The following CSMD1 variants were observed in gnomAD, a reference collection of about 807,000 sequenced individuals.
CSMD1 encodes the protein CUB and sushi domain-containing protein 1.
In CSMD1, 213 loss-of-function variants were observed where a neutral mutation model predicts 417.5. The observed-to-expected ratio is 0.51, with a 90% CI of 0.46 to 0.57. The LOEUF (loss-of-function observed/expected upper bound fraction) is 0.57. CSMD1 is among the 20% of genes least tolerant of loss of function. The pLI, the probability that CSMD1 is intolerant of heterozygous loss-of-function variation, is 0.00. For missense variants in CSMD1, 6,923 were observed against 4,529.7 expected (o/e 1.53, Z -15.17); for synonymous variants, 2,862 against 1,736.8 (o/e 1.65, Z -16.11).
chr8:4,149,339 A>G (rs2131047582), intron 3 of CSMD1, among the ~76,000 whole-genome samples: 1 of 152,324 alleles, frequency 6.6e-6, no homozygotes, highest in East Asian at 1.9e-4. Context: ...ACATCACTCC[A>G]GTTTGCATTT....
chr8:3,372,391 C>A (rs6990513), intron 18 of CSMD1, among the ~76,000 whole-genome samples: 3 of 151,826 alleles, frequency 2.0e-5, no homozygotes, highest in African/African-American at 7.3e-5. Context: ...GCCTAGAAAA[C>A]GACACGATCT....
intron 1 of CSMD1, among the ~76,000 whole-genome samples, chr8:4,946,220 A>G (rs1808360287): frequency 6.6e-6 from 1 of 152,192 alleles, no homozygotes; most frequent in Non-Finnish European, 1.5e-5. Flanking sequence ...TATGGATCTA[A>G]ATCCCTGTCT....
chr8:4,091,203 A>C (rs908154343), intron 3 of CSMD1, among the ~76,000 whole-genome samples: 4 of 152,032 alleles, frequency 2.6e-5, no homozygotes, highest in Non-Finnish European at 5.9e-5. Flanking sequence ...ACGGGCTTGA[A>C]CCACCACGCC....
At chr8:3,655,872 G>A (rs1486508516) in intron 7 of CSMD1, among the ~76,000 whole-genome samples, 5 of 152,090 alleles carry the variant, frequency 3.3e-5, no homozygotes. Context: ...CTTCATCTTT[G>A]GAAAGAATAG....
chr8:4,743,082 G>A (rs970623725), intron 1 of CSMD1, among the ~76,000 whole-genome samples: 6 of 152,018 alleles, frequency 3.9e-5, no homozygotes, highest in African/African-American at 1.5e-4. Context: ...ATTAAAATTG[G>A]CTCTGCTAAG....
chr8:3,798,596 A>C (rs1399311307), intron 5 of CSMD1, among the ~76,000 whole-genome samples: 1 of 152,120 alleles, frequency 6.6e-6, no homozygotes, highest in Non-Finnish European at 1.5e-5. Context: ...ATTATAAATA[A>C]AATATTAACT....
At chr8:3,570,927 G>T (rs999161815) in intron 10 of CSMD1, among the ~76,000 whole-genome samples, 1 of 152,144 alleles carries the variant, frequency 6.6e-6, no homozygotes, top group Admixed American at 6.5e-5. Context: ...ATTCTAGTAT[G>T]TGTAGGAAAA....
intron 23 of CSMD1, among the ~76,000 whole-genome samples, chr8:3,318,274 T>C (rs1411999060): frequency 6.6e-6 from 1 of 152,144 alleles, no homozygotes; most frequent in African/African-American, 2.4e-5. Flanking sequence ...GGTGTTAAAA[T>C]GAAAAAAGTA....
At position 4,293,189 on chromosome 8, in the gene CSMD1, C is replaced by T. The variant is rs1041756001; in HGVS notation, c.415+126764G>A. Among the ~76,000 whole-genome samples the T allele has an allele frequency of 4.6e-5, 7 of 152,236 alleles. No individual in the cohort carries two copies. The East Asian group carries it at 9.7e-4, about 21-fold the overall frequency. ...CTCTGAGGACTGAACCTCCCTGGCA[C>T]AGAGAGAGGAAGAGAGCCCAATGAT... On this transcript the variant is annotated intron_variant, in intron 3 of 69. Coordinates refer to ENST00000635120, the MANE Select transcript of CSMD1 (RefSeq NM_033225.6).
chr8:4,907,525 T>A (rs111590522), intron 1 of CSMD1, among the ~76,000 whole-genome samples: 19 of 76,222 alleles, frequency 2.5e-4, no homozygotes, highest in South Asian at 9.3e-4. Context: ...GGAAAAAAAA[T>A]TTAAATTATT....
At chr8:4,884,688 G>A (rs970641631) in intron 1 of CSMD1, among the ~76,000 whole-genome samples, 1 of 151,980 alleles carries the variant, frequency 6.6e-6, no homozygotes, top group Non-Finnish European at 1.5e-5. Flanking sequence ...AGAAAAATAA[G>A]GGTTTATTTT....
intron 3 of CSMD1, among the ~76,000 whole-genome samples, chr8:4,222,977 A>C (rs1801129898): frequency 6.6e-6 from 1 of 152,208 alleles, no homozygotes. Flanking sequence ...GGCTTTGAGA[A>C]GCTGAAGTTA....
chr8:3,350,011 A>AATAACCT (rs1489059708), intron 21 of CSMD1, among the ~76,000 whole-genome samples: 1 of 145,914 alleles, frequency 6.9e-6, no homozygotes, highest in Non-Finnish European at 1.5e-5. Context: ...TAATACCTAT[A>AATAACCT]ATAACTTGTG....
chr8:3,525,248 C>A (rs17066319), intron 10 of CSMD1, among the ~76,000 whole-genome samples: 1 of 151,874 alleles, frequency 6.6e-6, no homozygotes, highest in Non-Finnish European at 1.5e-5. Context: ...ATCCCTGGAA[C>A]TGAGGGTCCT....
chr8:3,843,516 A>G (rs1023800112), intron 5 of CSMD1, among the ~76,000 whole-genome samples: 1 of 152,212 alleles, frequency 6.6e-6, no homozygotes, highest in Non-Finnish European at 1.5e-5. Flanking sequence ...GATATGAGAA[A>G]AATGTGAAAC....
chr8:4,050,531 C>T (rs1798371134), intron 3 of CSMD1, among the ~76,000 whole-genome samples: 1 of 152,024 alleles, frequency 6.6e-6, no homozygotes, highest in Non-Finnish European at 1.5e-5. Flanking sequence ...AGGGGTAAAT[C>T]TTTAAGCATT....
At chr8:3,693,815 G>GT (rs1257199707) in intron 7 of CSMD1, among the ~76,000 whole-genome samples, 1 of 151,324 alleles carries the variant, frequency 6.6e-6, no homozygotes, top group Non-Finnish European at 1.5e-5. Context: ...TGTGTGTTGT[G>GT]TTTGTTATGG....
chr8:3,693,736 G>T (rs2624065), intron 7 of CSMD1, among the ~76,000 whole-genome samples: 15 of 152,006 alleles, frequency 9.9e-5, no homozygotes, highest in Non-Finnish European at 2.1e-4. Flanking sequence ...TGTTATGCTT[G>T]TTATGGTGTG....
At chr8:4,426,734 A>G (rs1797582183) in intron 2 of CSMD1, among the ~76,000 whole-genome samples, 1 of 146,094 alleles carries the variant, frequency 6.8e-6, no homozygotes, top group East Asian at 2.0e-4. Context: ...ATATACATTT[A>G]TTATACAATA....
Sources: allele counts gnomAD v4.1 joint callset (sites outside exome capture counted in the v4.1 genomes callset), GRCh38; gene constraint gnomAD v4.1.1; transcripts MANE v1.5; gene names NCBI Gene and HGNC (gene_info 2026-07-23, HGNC 2026-07-21).